The following LRP1B variants were observed in gnomAD, a reference collection of about 807,000 sequenced individuals.
LRP1B encodes the protein low-density lipoprotein receptor-related protein 1B.
LRP1B carries 217 observed loss-of-function variants against 556.6 expected under a neutral mutation model. The observed-to-expected ratio is 0.39, with a 90% CI of 0.35 to 0.44. The LOEUF (loss-of-function observed/expected upper bound fraction) is 0.44, where lower values mean the gene tolerates loss of function less well. LRP1B is among the 20% of genes least tolerant of loss of function. LRP1B has a pLI of 1.00. For missense variants in LRP1B, 5,053 were observed against 5,620.8 expected (o/e 0.90, Z 3.23); for synonymous variants, 2,047 against 1,865.8 (o/e 1.10, Z -2.50).
chr2:140,351,156 A>G, intron 76 of LRP1B, 118 bp from the exon 77 acceptor site: 1 of 680,308 alleles, frequency 1.5e-6, no homozygotes, highest in South Asian at 2.3e-5. Flanking sequence ...TTCCTCAAAA[A>G]TCAACCAGTT....
At chr2:141,757,891 T>C (rs1243459914) in intron 2 of LRP1B, among the ~76,000 whole-genome samples, 1 of 151,884 alleles carries the variant, frequency 6.6e-6, no homozygotes, top group Non-Finnish European at 1.5e-5. Context: ...CATAGCTTAT[T>C]AATTCAGCGT....
chr2:141,315,269 T>TTTTTTTA (rs1686984631), intron 3 of LRP1B, among the ~76,000 whole-genome samples: 1 of 136,438 alleles, frequency 7.3e-6, no homozygotes, highest in Non-Finnish European at 1.6e-5. Context: ...TTTTTTTTTT[T>TTTTTTTA]TTTTTTTTGA....
intron 83 of LRP1B, among the ~76,000 whole-genome samples, chr2:140,309,487 A>G (rs1684203795): frequency 6.6e-6 from 1 of 151,748 alleles, no homozygotes; most frequent in African/African-American, 2.4e-5. Flanking sequence ...CTCTCACCAT[A>G]TGGTCCAATC....
chr2:141,126,324 G>A (rs1020453307), intron 7 of LRP1B, among the ~76,000 whole-genome samples: 5 of 152,032 alleles, frequency 3.3e-5, no homozygotes, highest in African/African-American at 1.2e-4. Context: ...ATGAGCCATC[G>A]CTCCTGCCCT....
chr2:141,035,196 T>G (rs12471943), intron 11 of LRP1B, among the ~76,000 whole-genome samples: 61,704 of 149,110 alleles, frequency 0.41, 12,969 homozygotes, highest in East Asian at 0.59. Flanking sequence ...CACACTCTGG[T>G]GACTGTTGTG....
At chr2:140,926,191 T>C (rs939235719) in intron 20 of LRP1B, among the ~76,000 whole-genome samples, 2 of 151,782 alleles carry the variant, frequency 1.3e-5, no homozygotes, top group African/African-American at 4.8e-5. Context: ...GAAGAAAATA[T>C]AATATTGTGA....
intron 1 of LRP1B, among the ~76,000 whole-genome samples, chr2:141,865,559 T>C (rs796575931): frequency 2.5e-5 from 3 of 120,724 alleles, no homozygotes; most frequent in African/African-American, 1.0e-4. Context: ...GCCACTGCAC[T>C]CCAGCCTGGG....
At chr2:141,191,076 G>T (rs999886040) in intron 6 of LRP1B, among the ~76,000 whole-genome samples, 1 of 151,842 alleles carries the variant, frequency 6.6e-6, no homozygotes, top group African/African-American at 2.4e-5. Context: ...GATGCTAAAT[G>T]CCCCATTTAC....
intron 83 of LRP1B, among the ~76,000 whole-genome samples, chr2:140,302,142 C>T (rs1312338485): frequency 6.6e-6 from 1 of 152,010 alleles, no homozygotes; most frequent in Non-Finnish European, 1.5e-5. Flanking sequence ...GTACAATTGT[C>T]TTTATGTTTT....
rs372131663 is a variant in LRP1B, at chr2:141,190,427, TTGAG to T, written c.851-1848_851-1845del. Among the ~76,000 whole-genome samples, 213 of 152,106 alleles carry T rather than the reference TTGAG, an allele frequency of 1.4e-3. 2 individuals are homozygous for T. The highest frequency in any genetic ancestry group is 4.8e-3 in the African/African-American group (199 of 41,538). On this transcript the variant is annotated intron_variant, in intron 6 of 90. Coordinates refer to ENST00000389484, the MANE Select transcript of LRP1B (RefSeq NM_018557.3). ...TTTAGAAGAGCTTATCTGTCTTGAC[TTGAG>T]TATTTTTTGATCAGCCATACACTGA...
chr2:140,966,412 A>C (rs1696224360), intron 18 of LRP1B, among the ~76,000 whole-genome samples: 1 of 151,830 alleles, frequency 6.6e-6, no homozygotes, highest in South Asian at 2.1e-4. Context: ...TTTTTCTTGT[A>C]AATTTGTTTG....
At chr2:141,141,209 G>A (rs73962828) in intron 7 of LRP1B, among the ~76,000 whole-genome samples, 2,967 of 152,188 alleles carry the variant, frequency 0.019, 86 homozygotes, top group African/African-American at 0.068. Flanking sequence ...ATGGTTAATC[G>A]TCGGACAAAT....
intron 5 of LRP1B, among the ~76,000 whole-genome samples, chr2:141,232,617 T>C (rs1683514121): frequency 6.6e-6 from 1 of 152,188 alleles, no homozygotes; most frequent in South Asian, 2.1e-4. Flanking sequence ...TTGGTTTTTG[T>C]AGCTGCTTGA....
chr2:141,406,463 C>T (rs1690638083), intron 3 of LRP1B, among the ~76,000 whole-genome samples: 1 of 151,938 alleles, frequency 6.6e-6, no homozygotes, highest in Non-Finnish European at 1.5e-5. Flanking sequence ...TTTTTTAATA[C>T]TTCCATGTAA....
At chr2:140,830,034 T>C (rs1001445368) in intron 31 of LRP1B, among the ~76,000 whole-genome samples, 2 of 151,932 alleles carry the variant, frequency 1.3e-5, no homozygotes, top group East Asian at 1.9e-4. Flanking sequence ...TCTGAATACA[T>C]ACAACCTACA....
intron 3 of LRP1B, among the ~76,000 whole-genome samples, chr2:141,450,817 T>C (rs73963087): frequency 0.029 from 4,401 of 152,176 alleles, 230 homozygotes; most frequent in African/African-American, 0.1. Context: ...TTTCTTGTCA[T>C]ATACAATATA....
intron 2 of LRP1B, among the ~76,000 whole-genome samples, chr2:141,796,681 A>G (rs979900741): frequency 9.9e-5 from 15 of 151,574 alleles, no homozygotes; most frequent in African/African-American, 3.4e-4. Context: ...AGTTGTCAAC[A>G]TAACAGAGAC....
intron 47 of LRP1B, among the ~76,000 whole-genome samples, chr2:140,526,662 T>G (rs564086111): frequency 1.4e-5 from 2 of 143,336 alleles, no homozygotes; most frequent in East Asian, 4.1e-4. Flanking sequence ...TGTGTTGATA[T>G]CATATTGCTG....
chr2:141,798,796 A>G (rs1272008146), intron 2 of LRP1B, among the ~76,000 whole-genome samples: 1 of 151,806 alleles, frequency 6.6e-6, no homozygotes, highest in Non-Finnish European at 1.5e-5. Flanking sequence ...CAAAATTCAT[A>G]TGTGGAAGTC....
Sources: gnomAD v4.1 joint callset for allele counts (sites outside exome capture counted in the v4.1 genomes callset) on GRCh38, gnomAD v4.1.1 for gene constraint, MANE v1.5 for transcripts, NCBI Gene and HGNC (gene_info 2026-07-23, HGNC 2026-07-21) for gene names.